Variants in PRR12 observed in about 807,000 individuals in gnomAD.
PRR12 encodes proline rich 12, also known as proline-rich protein 12.
In PRR12, 12 loss-of-function variants were observed where a neutral mutation model predicts 138.0. That is an observed-to-expected ratio of 0.09 (90% CI 0.06 to 0.14). The LOEUF (loss-of-function observed/expected upper bound fraction) is 0.14. Ranked by LOEUF, PRR12 falls within the 10% of genes least tolerant of loss-of-function variation. The pLI is 1.00. For missense variants in PRR12, 2,692 were observed against 2,861.3 expected, an observed-to-expected ratio of 0.94 and a Z score of 1.35; for synonymous variants, 1,567 against 1,291.7, an observed-to-expected ratio of 1.21 and a Z score of -4.57.
In PRR12 at chr19:49,624,954, G is replaced by T. The variant is rs776842771; in HGVS notation, c.5832G>T (p.Thr1944=). Residue 1944 remains threonine, a synonymous_variant, in exon 12 of 14, where the codon ACG becomes ACT. Transcript: ENST00000418929. ...RPAGEPYNRK[T]LSKLKRSVVR... is the part of the protein sequence containing the mutation. ...CTGGGGAACCCTACAACCGCAAGAC[G>T]CTCAGCAAGCTCAAGAGGAGCGTGG... 23 of 1,595,172 alleles carry T rather than the reference G, an allele frequency of 1.4e-5. No homozygotes were observed. The highest frequency in any genetic ancestry group is 3.4e-5 in the Admixed American group (2 of 58,540).
At chr19:49,610,460 G>A (rs558742459) in intron 6 of PRR12, among the ~76,000 whole-genome samples, 49 of 151,946 alleles carry the variant, frequency 3.2e-4, no homozygotes, top group African/African-American at 1.0e-3. Flanking sequence ...AGTGGCCCAC[G>A]CCTGTAATCC....
At position 49,596,314 on chromosome 19, in the gene PRR12, G is replaced by A; in HGVS notation, c.1979G>A (p.Gly660Asp). ...CCTCCTCGGACCTCAGGGGCGGACG[G>A]CTTGGTGGGCGAGGACGGGGCAGCA... is the stretch of plus-strand genomic sequence containing the variant. ...PSPPRTSGAD[G>D]LVGEDGAADA... is the part of the protein sequence containing the mutation. The change falls in exon 4 of 14, where the codon GGC (glycine) becomes GAC (aspartate). Residue 660 changes from glycine to aspartate, a missense_variant. Transcript: ENST00000418929. The surrounding 1 kb of genome is among the most constrained non-coding windows in gnomAD (Gnocchi z 5.6). The A allele has an allele frequency of 6.2e-7, 1 of 1,610,888 alleles. No homozygotes were observed. Among genetic ancestry groups the A allele is most frequent in the Non-Finnish European group, 8.5e-7 (1 of 1,179,578 alleles).
intron 1 of PRR12, 115 bp downstream of exon 1, chr19:49,591,855 C>A (rs1195873256): frequency 3.6e-6 from 2 of 557,268 alleles, no homozygotes; most frequent in Non-Finnish European, 5.7e-6. Context: ...TCCCCTCCGG[C>A]TTGCAAGGGA....
At position 49,596,113 on chromosome 19, in the gene PRR12, T is replaced by G. The variant is rs766333470; in HGVS notation, c.1778T>G (p.Val593Gly). 6.2e-7 allele frequency: 1 copy of G among 1,603,394 alleles called. No individual in the cohort carries two copies. The highest frequency in any genetic ancestry group is 8.5e-7 in the Non-Finnish European group (1 of 1,179,764). Residue 593 changes from valine (V) to glycine (G), a missense_variant, in exon 4 of 14, where the codon GTC (valine) becomes GGC (glycine). This residue lies in a region of PRR12 where 66 missense variants were observed against 102.4 expected (regional missense o/e 0.64). Transcript: ENST00000418929. The surrounding 1 kb of genome is among the most constrained non-coding windows in gnomAD (Gnocchi z 5.6). ...GCCCCTGGCAAATACCTGAGCTCAG[T>G]CTTGGCCTCAGCGCCTTTCCTGGCA... ...PGAPGKYLSS[V>G]LASAPFLAPP...
rs2080765414 is a variant in PRR12, at chr19:49,595,981, G to T, written c.1646G>T (p.Gly549Val). ...CTCTCGGGCCATGGGGGTGGCTGGG[G>T]ACCCAGCTCCCTGGGAGGCGGCGGT... ...PALSGHGGGW[G>V]PSSLGGGGEA... Residue 549 changes from glycine (G) to valine (V), a missense_variant, in exon 4 of 14, where the codon GGA becomes GTA. This residue lies in a region of PRR12 where 523 missense variants were observed against 496.4 expected (regional missense o/e 1.05). Coordinates refer to ENST00000418929, the MANE Select transcript of PRR12 (RefSeq NM_020719.3). 6.2e-7 allele frequency: 1 copy of T among 1,600,630 alleles called. No homozygotes were observed.
chr19:49,623,591 C>T (rs2080936905), intron 11 of PRR12, among the ~76,000 whole-genome samples: 1 of 151,186 alleles, frequency 6.6e-6, no homozygotes, highest in Non-Finnish European at 1.5e-5. Flanking sequence ...AAGGTCGCGC[C>T]ACTGCACTCC....
At position 49,595,336 on chromosome 19, in the gene PRR12, T is replaced by TGGGTGGTGGGGAGCCCTCCCC. The variant is rs1367039659; in HGVS notation, c.1007_1027dup (p.Gly336_Gly342dup). On this transcript the variant is annotated inframe_insertion, in exon 4 of 14. Coordinates refer to ENST00000418929, the MANE Select transcript of PRR12 (RefSeq NM_020719.3). ...CGGGCCAACCTGGCCTGCAGCCCCC[T>TGGGTGGTGGGGAGCCCTCCCC]GGGTGGTGGGGAGCCCTCCCCGGGT... 5 of 1,543,354 alleles carry TGGGTGGTGGGGAGCCCTCCCC rather than the reference T, an allele frequency of 3.2e-6. No homozygotes were observed. The highest frequency in any genetic ancestry group is 2.2e-4 in the Middle Eastern group (1 of 4,574).
intron 6 of PRR12, among the ~76,000 whole-genome samples, chr19:49,604,775 A>G (rs2080829837): frequency 6.6e-6 from 1 of 152,210 alleles, no homozygotes; most frequent in Non-Finnish European, 1.5e-5. Context: ...AAACTTGATT[A>G]TAGAGACTAC....
At position 49,614,321 on chromosome 19, in the gene PRR12, A is replaced by T. The variant is rs566955835; in HGVS notation, c.4774-212A>T. On this transcript the variant is annotated intron_variant, in intron 6 of 13. Coordinates refer to ENST00000418929, the MANE Select transcript of PRR12 (RefSeq NM_020719.3). The surrounding 1 kb of genome is among the most constrained non-coding windows in gnomAD (Gnocchi z 5.0). ...CTACAGCCTGAGAACGAGCAGCCCA[A>T]TCCAGGGTACTGGGTGGGCAGGAGG... Among the ~76,000 whole-genome samples the T allele has an allele frequency of 6.6e-6, 1 of 152,254 alleles. No individual in the cohort carries two copies. The highest frequency in any genetic ancestry group is 2.1e-4 in the South Asian group (1 of 4,830).
intron 6 of PRR12, among the ~76,000 whole-genome samples, chr19:49,611,675 G>A (rs2080866747): frequency 6.6e-6 from 1 of 150,650 alleles, no homozygotes; most frequent in Admixed American, 6.6e-5. Flanking sequence ...TGTAATCCCA[G>A]CACTTTGGGA....
chr19:49,621,163 T>C (rs1408982798), intron 10 of PRR12, among the ~76,000 whole-genome samples: 1 of 82,860 alleles, frequency 1.2e-5, no homozygotes, highest in Admixed American at 1.4e-4. Context: ...GACTCCTGGG[T>C]CTGAGGGAGG....
In PRR12 at chr19:49,608,198, C is replaced by T. The variant is rs117989862; in HGVS notation, c.4773+6280C>T. Among the ~76,000 whole-genome samples the T allele has an allele frequency of 8.1e-4, 123 of 152,032 alleles. 1 individual carries two copies. The East Asian group carries it at 0.015, about 19-fold the overall frequency. ...CCAGCCACATTTGAAGTGCTCTAGC[C>T]GACATGTCACCCCAGTCATGGTGGC... On this transcript the variant is annotated intron_variant, in intron 6 of 13. Coordinates refer to ENST00000418929, the MANE Select transcript of PRR12 (RefSeq NM_020719.3).
intron 6 of PRR12, among the ~76,000 whole-genome samples, chr19:49,607,361 G>GCGCGCACACACACACACACA (rs1555742564): frequency 0.012 from 1,753 of 147,846 alleles, 11 homozygotes; most frequent in South Asian, 0.026. Flanking sequence ...ATGTACGTGT[G>GCGCGCACACACACACACACA]CACACACACA....
At position 49,597,245 on chromosome 19, in the gene PRR12, C is replaced by T. The variant is rs1043521895; in HGVS notation, c.2910C>T (p.Asp970=). Residue 970 remains aspartate, a synonymous_variant, in exon 4 of 14, where the codon GAC becomes GAT. Transcript: ENST00000418929. The surrounding 1 kb of genome is among the most constrained non-coding windows in gnomAD (Gnocchi z 6.3). ...ACGGCAAGGCCGGGCCACCTGAGGA[C>T]GAGGGGGACCCCAAGGCTGGCGCTG... ...DDYGKAGPPE[D]EGDPKAGAGP... 1.3e-6 allele frequency: 2 copies of T among 1,571,438 alleles called. No individual in the cohort carries two copies. The highest frequency in any genetic ancestry group is 1.7e-6 in the Non-Finnish European group (2 of 1,158,892).
chr19:49,622,522 G>A (rs1052285585), intron 11 of PRR12, among the ~76,000 whole-genome samples: 4 of 151,328 alleles, frequency 2.6e-5, no homozygotes, highest in Non-Finnish European at 5.9e-5. Flanking sequence ...AACCCAGGAG[G>A]TGGAGCTTGC....
rs1417977098 is a variant in PRR12 at position 49,593,462 on chromosome 19, C to T, written c.199+23C>T. On this transcript the variant is annotated intron_variant, in intron 2 of 13. Coordinates refer to ENST00000418929, the MANE Select transcript of PRR12 (RefSeq NM_020719.3). ...CAGGTACGGCCCCCATCCCGCCCCG[C>T]TTTGGGCTGGCCCTCCCCCTCCCCC... is the stretch of plus-strand genomic sequence containing the variant. 7 of 1,250,534 alleles carry T rather than the reference C, an allele frequency of 5.6e-6. No individual in the cohort carries two copies. The South Asian group carries it at 7.4e-5, about 13-fold the overall frequency. The allele number at this position is 1,250,534 out of a possible 1,614,324, so 77.5% of individuals were successfully genotyped here.
intron 1 of PRR12, 120 bp downstream of exon 1, chr19:49,591,860 A>T (rs545892122): frequency 7.5e-6 from 4 of 532,638 alleles, no homozygotes; most frequent in Non-Finnish European, 6.0e-6. Flanking sequence ...TCCGGCTTGC[A>T]AGGGAGCGGC....
At position 49,625,457 on chromosome 19, in the gene PRR12, G is replaced by GC; in HGVS notation, c.5965-3dup. ...CTCCCCAGTGCCATGTTTGACCCCTGCAGACCCTGGCCATCGAGGGCGGCG... is the reference window on the plus strand; with the variant it reads ...CTCCCCAGTGCCATGTTTGACCCCTGCCAGACCCTGGCCATCGAGGGCGGCG... On this transcript the variant is annotated splice_polypyrimidine_tract_variant and splice_region_variant and intron_variant, in intron 13 of 13. Transcript: ENST00000418929. This position sits in a 1 kb window ranked among gnomAD's most constrained non-coding sequence, Gnocchi z 5.5. The GC allele has an allele frequency of 6.2e-7, 1 of 1,603,036 alleles. No homozygotes were observed. Among genetic ancestry groups the GC allele is most frequent in the Middle Eastern group, 1.7e-4 (1 of 5,934 alleles).
At position 49,597,920 on chromosome 19, in the gene PRR12, T is replaced by C. The variant is rs2080785843; in HGVS notation, c.3585T>C (p.Asp1195=). The C allele has an allele frequency of 1.4e-6, 2 of 1,404,306 alleles. No homozygotes were observed. The highest frequency in any genetic ancestry group is 1.8e-6 in the Non-Finnish European group (2 of 1,083,188). The allele number at this position is 1,404,306 out of a possible 1,614,324, so 87.0% of individuals were successfully genotyped here. A position where few individuals can be genotyped will look rare whatever the true frequency, so the allele number is the denominator to read the frequency against. Residue 1195 remains aspartate, a synonymous_variant, in exon 4 of 14, where the codon GAT becomes GAC. Transcript: ENST00000418929. This position sits in a 1 kb window ranked among gnomAD's most constrained non-coding sequence, Gnocchi z 6.3. ...AGPASASTPT[D]GAKKPRGRGR... ...CCGCCTCGGCCTCCACGCCCACCGA[T>C]GGCGCCAAGAAACCCCGGGGCCGGG...
Sources: gnomAD v4.1 joint callset for allele counts (sites outside exome capture counted in the v4.1 genomes callset) on GRCh38, gnomAD v4.1.1 for gene constraint, gnomAD v4.1.1 regional missense constraint, Gnocchi (gnomAD v3.1) non-coding constraint, MANE v1.5 for transcripts, NCBI Gene and HGNC (gene_info 2026-07-23, HGNC 2026-07-21) for gene names.